PPEF1: variants seen among roughly 807,000 people sequenced by gnomAD.
PPEF1 encodes the protein serine/threonine-protein phosphatase with EF-hands 1.
Under a neutral mutation model 53.3 loss-of-function variants are expected in PPEF1, and 12 were observed. That is an observed-to-expected ratio of 0.23 (90% CI 0.14 to 0.36). PPEF1 has a LOEUF of 0.36. Ranked by LOEUF, PPEF1 falls within the 10% of genes least tolerant of loss-of-function variation. The pLI is 1.00. For synonymous variants in PPEF1, 165 were observed against 176.7 expected, an observed-to-expected ratio of 0.93 and a Z score of 0.52; for missense variants, 334 against 490.4, an observed-to-expected ratio of 0.68 and a Z score of 3.01.
intron 9 of PPEF1, 124 bp downstream of exon 9, chrX:18,784,172 T>C: frequency 1.6e-6 from 1 of 612,940 alleles, no homozygotes; most frequent in Non-Finnish European, 2.3e-6. Flanking sequence ...TTATAGATTT[T>C]ATTAGAGTAT....
At chrX:18,756,253 C>A (rs1453379924) in intron 4 of PPEF1, among the ~76,000 whole-genome samples, 1 of 110,502 alleles carries the variant, frequency 9.0e-6, no homozygotes, top group Non-Finnish European at 1.9e-5. Context: ...AATCTTGGCT[C>A]ACTGCAACCT....
intron 4 of PPEF1, among the ~76,000 whole-genome samples, chrX:18,692,804 G>T (rs973341287): frequency 2.7e-5 from 3 of 111,787 alleles, no homozygotes; most frequent in Non-Finnish European, 5.6e-5. Flanking sequence ...CGGAATCCAC[G>T]CAGTCTGTAC....
intron 4 of PPEF1, among the ~76,000 whole-genome samples, chrX:18,755,116 A>T (rs764987413): frequency 8.9e-6 from 1 of 111,770 alleles, no homozygotes; most frequent in African/African-American, 3.3e-5. Flanking sequence ...GAGAAGATTG[A>T]TAATTCTGAC....
intron 3 of PPEF1, 30 bp downstream of exon 3, chrX:18,733,838 T>C: frequency 9.3e-7 from 1 of 1,073,194 alleles, no homozygotes; most frequent in Admixed American, 2.9e-5. Context: ...TTTTCAAATG[T>C]GTCATTAAAT....
chrX:18,683,376 G>A (rs1279319608), intron 1 of PPEF1, among the ~76,000 whole-genome samples: 1 of 111,145 alleles, frequency 9.0e-6, no homozygotes, highest in Non-Finnish European at 1.9e-5. Flanking sequence ...GAGGAAAAGA[G>A]GAATATCCGT....
upstream of PPEF1, among the ~76,000 whole-genome samples, chrX:18,678,894 C>T (rs1012710825): frequency 1.8e-5 from 2 of 110,990 alleles, no homozygotes; most frequent in African/African-American, 3.3e-5. Context: ...CTCATTCAAT[C>T]TAATGGCTTT....
At chrX:18,741,346 G>A (rs935162938) in intron 3 of PPEF1, among the ~76,000 whole-genome samples, 3 of 112,076 alleles carry the variant, frequency 2.7e-5, no homozygotes, top group Admixed American at 1.9e-4. Flanking sequence ...GCCACAGGTG[G>A]CTGGGTTCCA....
intron 10 of PPEF1, among the ~76,000 whole-genome samples, chrX:18,796,371 T>C (rs996818206): frequency 8.9e-6 from 1 of 112,714 alleles, no homozygotes; most frequent in African/African-American, 3.2e-5. Context: ...AATTATTGGA[T>C]ATGGACTAAC....
At chrX:18,793,967 T>G (rs1345946876) in intron 10 of PPEF1, among the ~76,000 whole-genome samples, 2 of 111,882 alleles carry the variant, frequency 1.8e-5, no homozygotes. Flanking sequence ...AATTGGGCTC[T>G]CTTTGACTGT....
chrX:18,779,099 G>A lies in PPEF1; in HGVS notation c.648G>A (p.Leu216=), dbSNP rs148154158. ...GKNSIEILMI[L]CVSFLVYPND... is the part of the protein sequence containing the mutation. ...ATTCCATAGAGATCCTAATGATCCTGTGTGTGAGTTTTCTTGTCTACCCCA... is the reference window on the plus strand; with the variant it reads ...ATTCCATAGAGATCCTAATGATCCTATGTGTGAGTTTTCTTGTCTACCCCA... Residue 216 remains leucine (L), a synonymous_variant, in exon 7 of 16, where the codon CTG becomes CTA. Coordinates refer to ENST00000470157, the MANE Select transcript of PPEF1 (RefSeq NM_001377996.1). 4.1e-6 allele frequency: 5 copies of A among 1,205,909 alleles called. No individual in the cohort carries two copies. The highest frequency in any genetic ancestry group is 5.6e-6 in the Non-Finnish European group (5 of 890,366).
chrX:18,721,610 T>C (rs1602380097), intron 1 of PPEF1, among the ~76,000 whole-genome samples: 1 of 111,272 alleles, frequency 9.0e-6, no homozygotes, highest in Non-Finnish European at 1.9e-5. Context: ...GACCTCGGAG[T>C]TTCGTTGATT....
chrX:18,738,199 G>A (rs1214377939), intron 3 of PPEF1, among the ~76,000 whole-genome samples: 1 of 111,631 alleles, frequency 9.0e-6, no homozygotes, highest in Non-Finnish European at 1.9e-5. Flanking sequence ...CTCGTTAGTT[G>A]ATGCAGTTTC....
chrX:18,722,470 C>G (rs755139622), intron 1 of PPEF1, among the ~76,000 whole-genome samples: 4 of 111,968 alleles, frequency 3.6e-5, no homozygotes, highest in Admixed American at 9.5e-5. Flanking sequence ...AATACCTTAT[C>G]ATTCTGAATA....
chrX:18,740,021 G>A (rs1337443726), intron 3 of PPEF1, among the ~76,000 whole-genome samples: 2 of 112,409 alleles, frequency 1.8e-5, no homozygotes, highest in African/African-American at 6.5e-5. Context: ...TGATTTTCCA[G>A]GTACCATCTG....
In PPEF1 at chrX:18,827,531, C is replaced by T; in HGVS notation, c.*44C>T. The T allele has an allele frequency of 9.5e-7, 1 of 1,056,821 alleles. No individual in the cohort carries two copies. The highest frequency in any genetic ancestry group is 2.0e-5 in the South Asian group (1 of 50,862). 87.1% of individuals were successfully genotyped at this position (1,056,821 alleles called of 1,213,427 possible). ...CTCAGGCTCCCTGAAACAGCTAGGC[C>T]CAAATCACAAGTACAGTCCTTTCCA... On this transcript the variant is annotated 3_prime_UTR_variant, in exon 16 of 16. Coordinates refer to ENST00000470157, the MANE Select transcript of PPEF1 (RefSeq NM_001377996.1).
chrX:18,769,436 A>G (rs936424785), intron 6 of PPEF1, among the ~76,000 whole-genome samples: 4 of 111,945 alleles, frequency 3.6e-5, no homozygotes, highest in Non-Finnish European at 7.5e-5. Flanking sequence ...TCCCTCATTG[A>G]ATAGAAAGCT....
intron 3 of PPEF1, among the ~76,000 whole-genome samples, chrX:18,687,599 C>T (rs981877244): frequency 1.8e-5 from 2 of 111,196 alleles, no homozygotes; most frequent in Non-Finnish European, 3.8e-5. Context: ...ATGCAGGCCT[C>T]TCCTGGAAAT....
upstream of PPEF1, among the ~76,000 whole-genome samples, chrX:18,682,093 G>A (rs759405315): frequency 8.9e-6 from 1 of 112,675 alleles, no homozygotes; most frequent in South Asian, 3.6e-4. Flanking sequence ...AGAAGGCCTC[G>A]GTGACTCCAA....
chrX:18,725,070 A>C (rs750848797), intron 1 of PPEF1, among the ~76,000 whole-genome samples: 11 of 111,019 alleles, frequency 9.9e-5, no homozygotes, highest in Non-Finnish European at 1.3e-4. Flanking sequence ...AAGTACCCCA[A>C]ATCTCAACGT....
Sources: gnomAD v4.1 joint callset for allele counts (sites outside exome capture counted in the v4.1 genomes callset) on GRCh38, gnomAD v4.1.1 for gene constraint, MANE v1.5 for transcripts, NCBI Gene and HGNC (gene_info 2026-07-23, HGNC 2026-07-21) for gene names.